The following CLNK variants were observed in gnomAD, a reference collection of about 807,000 sequenced individuals.
CLNK encodes cytokine dependent hematopoietic cell linker, also known as cytokine-dependent hematopoietic cell linker.
CLNK carries 74 observed loss-of-function variants against 68.6 expected under a neutral mutation model. The observed-to-expected ratio is 1.08, with a 90% CI of 0.89 to 1.31. The LOEUF is 1.31. Ranked by LOEUF, CLNK falls within the 50% of genes most tolerant of loss-of-function variation. The pLI is 0.00. For missense variants in CLNK, 553 were observed against 515.3 expected (o/e 1.07, Z -0.71); for synonymous variants, 198 against 172.2 (o/e 1.15, Z -1.17).
At chr4:10,654,695 T>G (rs913549949) in intron 2 of CLNK, among the ~76,000 whole-genome samples, 1 of 152,032 alleles carries the variant, frequency 6.6e-6, no homozygotes, top group Non-Finnish European at 1.5e-5. Context: ...ATAAAACTTT[T>G]AGGAAGCCTG....
At position 10,501,407 on chromosome 4, in the gene CLNK, C is replaced by A. The variant is rs367796324; in HGVS notation, c.989G>T (p.Gly330Val). 14 of 1,607,570 alleles carry A rather than the reference C, an allele frequency of 8.7e-6. No individual in the cohort carries two copies. Among genetic ancestry groups the A allele is most frequent in the Non-Finnish European group, 1.1e-5 (13 of 1,178,004 alleles). Residue 330 changes from glycine (G) to valine (V), a missense_variant, in exon 18 of 19, where the codon GGT becomes GTT. By Grantham distance (109) the Gly-to-Val change is moderately radical. Coordinates refer to ENST00000226951, the MANE Select transcript of CLNK (RefSeq NM_052964.4). ...GGAACAATCTCGGACCAAGAAACTA[C>A]CATCCTGAAGCAAAAAGAGTAACAG... Reference protein sequence around the residue: ...EEAFMKENKDGSFLVRDCSTK... With the variant: ...EEAFMKENKDVSFLVRDCSTK...
At chr4:10,674,028 A>G (rs534649513) in intron 1 of CLNK, among the ~76,000 whole-genome samples, 2 of 152,322 alleles carry the variant, frequency 1.3e-5, no homozygotes, top group South Asian at 2.1e-4. Context: ...TGTCAAAGGA[A>G]TGACACTGAG....
intron 2 of CLNK, among the ~76,000 whole-genome samples, chr4:10,642,957 G>A (rs1461967932): frequency 6.6e-6 from 1 of 152,132 alleles, no homozygotes; most frequent in Non-Finnish European, 1.5e-5. Flanking sequence ...TGTATTGATG[G>A]ATGACAGATG....
intron 2 of CLNK, among the ~76,000 whole-genome samples, chr4:10,630,456 C>T (rs531958374): frequency 2.0e-5 from 3 of 152,198 alleles, no homozygotes; most frequent in South Asian, 4.2e-4. Flanking sequence ...GAGTCGTTTC[C>T]ACTCTTTCTG....
At chr4:10,570,756 C>A (rs143754935) in intron 5 of CLNK, among the ~76,000 whole-genome samples, 1,839 of 152,106 alleles carry the variant, frequency 0.012, 32 homozygotes, top group African/African-American at 0.041. Context: ...AATTATATAC[C>A]TATACATTTG....
intron 14 of CLNK, among the ~76,000 whole-genome samples, chr4:10,521,667 C>T (rs1284193080): frequency 6.6e-6 from 1 of 152,224 alleles, no homozygotes; most frequent in Non-Finnish European, 1.5e-5. Context: ...ATATGTCTTG[C>T]TTTGTGGATA....
chr4:10,545,523 G>A (rs537054615), intron 8 of CLNK, among the ~76,000 whole-genome samples: 60 of 152,018 alleles, frequency 3.9e-4, no homozygotes, highest in African/African-American at 1.4e-3. Flanking sequence ...TCCCAGGTTG[G>A]CAATGCACAC....
At chr4:10,718,971 T>C in the CLNK span, among the ~76,000 whole-genome samples, 95 of 152,228 alleles carry the variant, frequency 6.2e-4, no homozygotes, top group Non-Finnish European at 1.2e-3. Flanking sequence ...CTGTGTTGAC[T>C]GTAGTAAATG....
chr4:10,493,309 T>C (rs897944197), intron 18 of CLNK, among the ~76,000 whole-genome samples: 2 of 152,094 alleles, frequency 1.3e-5, no homozygotes, highest in Non-Finnish European at 2.9e-5. Context: ...CAGAAGAGAC[T>C]TCATCTCAAA....
intron 18 of CLNK, among the ~76,000 whole-genome samples, chr4:10,500,564 C>T (rs1255279663): frequency 6.6e-6 from 1 of 151,910 alleles, no homozygotes; most frequent in African/African-American, 2.4e-5. Context: ...CCTGTAATTC[C>T]CGCTACTCAG....
intron 11 of CLNK, 44 bp from the exon 12 acceptor site, chr4:10,532,327 A>G: frequency 6.6e-7 from 1 of 1,511,774 alleles, no homozygotes; most frequent in South Asian, 1.2e-5. Flanking sequence ...CACAGTTCAT[A>G]ATGACCAAGA....
At chr4:10,604,219 A>G (rs1721701321) in intron 2 of CLNK, among the ~76,000 whole-genome samples, 1 of 152,224 alleles carries the variant, frequency 6.6e-6, no homozygotes, top group Non-Finnish European at 1.5e-5. Flanking sequence ...ATAGTTGAAC[A>G]ACCAGTAGCA....
chr4:10,611,750 G>A (rs1722036562), intron 2 of CLNK, among the ~76,000 whole-genome samples: 1 of 152,172 alleles, frequency 6.6e-6, no homozygotes, highest in South Asian at 2.1e-4. Flanking sequence ...CCTGCCTTCT[G>A]TCCTCTGAGA....
At chr4:10,534,919 C>T (rs879879592) in intron 11 of CLNK, among the ~76,000 whole-genome samples, 1 of 152,026 alleles carries the variant, frequency 6.6e-6, no homozygotes, top group Admixed American at 6.5e-5. Flanking sequence ...TCTCTATAAC[C>T]ATACTTTCTC....
the CLNK span, among the ~76,000 whole-genome samples, chr4:10,698,046 G>A: frequency 3.3e-5 from 5 of 152,160 alleles, no homozygotes; most frequent in African/African-American, 9.7e-5. Flanking sequence ...GTATGTGGGG[G>A]TAAAAGCTGC....
chr4:10,507,550 G>A (rs747185967), intron 17 of CLNK, among the ~76,000 whole-genome samples: 55 of 151,892 alleles, frequency 3.6e-4, no homozygotes, highest in Non-Finnish European at 5.9e-4. Flanking sequence ...TGCAACCTCC[G>A]CCTCCCAGGT....
chr4:10,723,848 G>A, the CLNK span, among the ~76,000 whole-genome samples: 1 of 78,348 alleles, frequency 1.3e-5, no homozygotes, highest in African/African-American at 3.6e-5. Flanking sequence ...AAATGCTAGT[G>A]CTCCCTGGAG....
the CLNK span, among the ~76,000 whole-genome samples, chr4:10,722,558 C>T: frequency 6.6e-6 from 1 of 152,232 alleles, no homozygotes; most frequent in Non-Finnish European, 1.5e-5. Flanking sequence ...TCTCTGCTCT[C>T]ATAATGTTAC....
intron 4 of CLNK, among the ~76,000 whole-genome samples, chr4:10,578,266 A>G (rs1720645165): frequency 6.6e-6 from 1 of 152,184 alleles, no homozygotes; most frequent in African/African-American, 2.4e-5. Context: ...TCAGATCTAT[A>G]TTGAGAACTT....
Sources: allele counts gnomAD v4.1 joint callset (sites outside exome capture counted in the v4.1 genomes callset), GRCh38; gene constraint gnomAD v4.1.1; transcripts MANE v1.5; gene names NCBI Gene and HGNC (gene_info 2026-07-23, HGNC 2026-07-21).